The following PRKN variants were observed in gnomAD, a reference collection of about 807,000 sequenced individuals.
PRKN encodes the protein E3 ubiquitin-protein ligase parkin.
In PRKN, 56 loss-of-function variants were observed where a neutral mutation model predicts 59.5. The ratio of observed to expected loss-of-function variants is 0.94; its 90% CI spans 0.76 to 1.18. The LOEUF is 1.18. PRKN is among the 50% of genes most tolerant of loss of function. The pLI is 0.00. For missense variants in PRKN, 657 were observed against 596.4 expected (o/e 1.10, Z -1.06); for synonymous variants, 250 against 222.1 (o/e 1.13, Z -1.12).
At chr6:161,996,638 T>C (rs549871270) in intron 5 of PRKN, among the ~76,000 whole-genome samples, 2 of 152,278 alleles carry the variant, frequency 1.3e-5, no homozygotes, top group African/African-American at 4.8e-5. Context: ...GACTCTCTAT[T>C]TGTTATAAAT....
Position 161,356,057 on chromosome 6 carries a change from C to T in PRKN, c.1285+4031G>A, listed in dbSNP as rs58525490. ...CAGCTCTCAGGGTGGTCCTGAATTTCGTTAGTGGGTTGGGTATTATGACCA... is the reference window on the plus strand; with the variant it reads ...CAGCTCTCAGGGTGGTCCTGAATTTTGTTAGTGGGTTGGGTATTATGACCA... On this transcript the variant is annotated intron_variant, in intron 11 of 11. Transcript: ENST00000366898. The surrounding 1 kb of genome is among the most constrained non-coding windows in gnomAD (Gnocchi z 7.8). Among the ~76,000 whole-genome samples, 18,411 of 152,134 alleles carry T rather than the reference C, an allele frequency of 0.12. 1,780 individuals carry two copies. The highest frequency in any genetic ancestry group is 0.27 in the African/African-American group (11,237 of 41,458).
rs919174032 is a variant in PRKN at position 161,467,081 on chromosome 6, C to T, written c.1084-80204G>A. On this transcript the variant is annotated intron_variant, in intron 9 of 11. Transcript: ENST00000366898. The surrounding 1 kb of genome is among the most constrained non-coding windows in gnomAD (Gnocchi z 4.3). ...TGCCACTGATTTCATTTTCTTCTCA[C>T]TGTTGCCTCTGGATTAAAAAGCCTC... Among the ~76,000 whole-genome samples the T allele has an allele frequency of 2.0e-5, 3 of 152,212 alleles. No homozygotes were observed. The highest frequency in any genetic ancestry group is 4.8e-5 in the African/African-American group (2 of 41,462).
intron 4 of PRKN, among the ~76,000 whole-genome samples, chr6:162,123,768 T>C (rs1045631767): frequency 3.3e-5 from 5 of 152,186 alleles, no homozygotes; most frequent in Non-Finnish European, 7.3e-5. Flanking sequence ...TGAAAAGATA[T>C]GGTCAGTGTG....
At chr6:161,691,826 A>C (rs1785807891) in intron 7 of PRKN, among the ~76,000 whole-genome samples, 1 of 152,196 alleles carries the variant, frequency 6.6e-6, no homozygotes. Context: ...TGGGTGAGTC[A>C]AACTTTGTTG....
At chr6:161,764,421 T>C (rs1230416194) in intron 7 of PRKN, among the ~76,000 whole-genome samples, 2 of 152,196 alleles carry the variant, frequency 1.3e-5, no homozygotes, top group Admixed American at 6.5e-5. Context: ...ACTTTATAAA[T>C]TGTAGAGGCC....
intron 1 of PRKN, among the ~76,000 whole-genome samples, chr6:162,591,877 T>A (rs1168945469): frequency 6.6e-6 from 1 of 150,636 alleles, no homozygotes; most frequent in Non-Finnish European, 1.5e-5. Context: ...CAAATTCCTA[T>A]GTACTGAACT....
chr6:161,487,228 G>A lies in PRKN; in HGVS notation c.1083+61626C>T, dbSNP rs913423765. Among the ~76,000 whole-genome samples the A allele has an allele frequency of 6.6e-6, 1 of 152,152 alleles. No homozygotes were observed. The highest frequency in any genetic ancestry group is 2.4e-5 in the African/African-American group (1 of 41,426). On this transcript the variant is annotated intron_variant, in intron 9 of 11. Transcript: ENST00000366898. This position sits in a 1 kb window ranked among gnomAD's most constrained non-coding sequence, Gnocchi z 5.3. ...TCCTATCCCTCAACCCTTTTTACAG[G>A]AGAAGACATTGAGGCATAGACCCAT...
rs1205719126 is a variant in PRKN, at chr6:161,360,189, T to C, written c.1184A>G (p.Glu395Gly). The C allele has an allele frequency of 1.9e-6, 3 of 1,613,698 alleles. No individual in the cohort carries two copies. The change falls in exon 11 of 12, where the codon GAA becomes GGA. Residue 395 changes from glutamate to glycine, a missense_variant. Physicochemically the swap from Glu to Gly is moderately conservative, Grantham distance 98. Coordinates refer to ENST00000366898, the MANE Select transcript of PRKN (RefSeq NM_004562.3). This position sits in a 1 kb window ranked among gnomAD's most constrained non-coding sequence, Gnocchi z 5.1. ...GTTTQAYRVD[E>G]RAAEQARWEA... ...CCAACGAGCCTGCTCGGCGGCTCTT[T>C]CATCGACTCTGTAGGCCTGGGGAAA...
chr6:161,736,172 C>G lies in PRKN; in HGVS notation c.871+49600G>C, dbSNP rs75357253. ...AATGTGTAAGGGACGTACAAAACACCACCTGTCAAAGAACTCAAAATCTCA... is the reference window on the plus strand; with the variant it reads ...AATGTGTAAGGGACGTACAAAACACGACCTGTCAAAGAACTCAAAATCTCA... On this transcript the variant is annotated intron_variant, in intron 7 of 11. Coordinates refer to ENST00000366898, the MANE Select transcript of PRKN (RefSeq NM_004562.3). Among the ~76,000 whole-genome samples the G allele has an allele frequency of 3.3e-5, 5 of 152,260 alleles. No homozygotes were observed. In the East Asian group the frequency reaches 7.7e-4, roughly 24 times the overall value.
chr6:162,628,380 C>A (rs1260978062), intron 1 of PRKN, among the ~76,000 whole-genome samples: 1 of 152,094 alleles, frequency 6.6e-6, no homozygotes, highest in South Asian at 2.1e-4. Flanking sequence ...GGAGGCCACC[C>A]TTTTTTGAGC....
chr6:162,059,497 G>C (rs1434325786), intron 4 of PRKN, among the ~76,000 whole-genome samples: 1 of 152,178 alleles, frequency 6.6e-6, no homozygotes, highest in African/African-American at 2.4e-5. Context: ...ATTGAACACA[G>C]TGTTTTAAGA....
chr6:161,640,700 C>A (rs983423345), intron 7 of PRKN, among the ~76,000 whole-genome samples: 1 of 152,018 alleles, frequency 6.6e-6, no homozygotes, highest in Non-Finnish European at 1.5e-5. Context: ...GGAAAGACAC[C>A]AAGTGAAGGG....
At chr6:162,222,055 A>G (rs376187476) in intron 3 of PRKN, among the ~76,000 whole-genome samples, 1 of 152,150 alleles carries the variant, frequency 6.6e-6, no homozygotes, top group African/African-American at 2.4e-5. Context: ...CAGGTAAAAC[A>G]TTGGTTTTGG....
At chr6:162,534,755 C>T (rs1315190599) in intron 1 of PRKN, among the ~76,000 whole-genome samples, 1 of 152,138 alleles carries the variant, frequency 6.6e-6, no homozygotes, top group East Asian at 1.9e-4. Flanking sequence ...CTCCAGCTGC[C>T]TGCAGCTCCA....
chr6:161,703,682 C>T (rs1214790951), intron 7 of PRKN, among the ~76,000 whole-genome samples: 1 of 152,074 alleles, frequency 6.6e-6, no homozygotes, highest in East Asian at 1.9e-4. Context: ...TAATGCCTCT[C>T]CAATCCATTC....
At chr6:161,677,948 A>G (rs1785149875) in intron 7 of PRKN, among the ~76,000 whole-genome samples, 1 of 152,204 alleles carries the variant, frequency 6.6e-6, no homozygotes, top group Admixed American at 6.5e-5. Context: ...TGGGCAAAAA[A>G]TCTTTTAAGA....
chr6:161,936,491 G>A (rs974274400), intron 6 of PRKN, among the ~76,000 whole-genome samples: 4 of 152,080 alleles, frequency 2.6e-5, no homozygotes, highest in Non-Finnish European at 5.9e-5. Context: ...TTACAGGCGT[G>A]AGTCACCATG....
chr6:161,451,032 G>A lies in PRKN; in HGVS notation c.1084-64155C>T, dbSNP rs375674788. 3.7e-4 allele frequency among the ~76,000 whole-genome samples: 57 copies of A among 152,294 alleles called. No individual in the cohort carries two copies. Among genetic ancestry groups the A allele is most frequent in the African/African-American group, 1.2e-3 (50 of 41,558 alleles). ...GGAAGAGCCCAGGGCCTGCATTCTT[G>A]TTTTTAAAGAGGCAGGTAAGCAGGT... On this transcript the variant is annotated intron_variant, in intron 9 of 11. Coordinates refer to ENST00000366898, the MANE Select transcript of PRKN (RefSeq NM_004562.3). The surrounding 1 kb of genome is among the most constrained non-coding windows in gnomAD (Gnocchi z 5.9).
At chr6:162,458,684 C>A (rs1791023449) in intron 1 of PRKN, among the ~76,000 whole-genome samples, 1 of 134,392 alleles carries the variant, frequency 7.4e-6, no homozygotes, top group African/African-American at 2.8e-5. Context: ...GTAACTTTAT[C>A]TCTTTTTTTT....
Sources: allele counts gnomAD v4.1 joint callset (sites outside exome capture counted in the v4.1 genomes callset), GRCh38; gene constraint gnomAD v4.1.1; non-coding constraint Gnocchi (gnomAD v3.1); transcripts MANE v1.5; gene names NCBI Gene and HGNC (gene_info 2026-07-23, HGNC 2026-07-21).